Variants in RALYL observed in about 807,000 individuals in gnomAD.
RALYL encodes RNA-binding Raly-like protein.
Under a neutral mutation model 35.1 loss-of-function variants are expected in RALYL, and 29 were observed. The ratio of observed to expected loss-of-function variants is 0.83; its 90% CI spans 0.61 to 1.13. The LOEUF (loss-of-function observed/expected upper bound fraction) is 1.13. RALYL is among the 50% of genes most tolerant of loss of function. The pLI is 0.00. For synonymous variants in RALYL, 120 were observed against 127.6 expected, an observed-to-expected ratio of 0.94 and a Z score of 0.40; for missense variants, 359 against 360.4, an observed-to-expected ratio of 1.00 and a Z score of 0.03.
chr8:84,274,179 C>T (rs768995900), intron 1 of RALYL, among the ~76,000 whole-genome samples: 13 of 152,012 alleles, frequency 8.6e-5, no homozygotes, highest in Non-Finnish European at 1.3e-4. Flanking sequence ...AATGTGGTAG[C>T]GCTGGTGGTG....
intron 1 of RALYL, among the ~76,000 whole-genome samples, chr8:84,354,779 A>T (rs1851515482): frequency 6.7e-6 from 1 of 150,178 alleles, no homozygotes. Flanking sequence ...ATGTCTATTT[A>T]TACTTTGGGA....
At chr8:84,468,165 T>A (rs532320244) in intron 1 of RALYL, among the ~76,000 whole-genome samples, 4 of 152,102 alleles carry the variant, frequency 2.6e-5, no homozygotes, top group Non-Finnish European at 5.9e-5. Context: ...TATTGTTATG[T>A]GTGAATTTGA....
At chr8:84,445,969 ATAT>A (rs1467614795) in intron 1 of RALYL, among the ~76,000 whole-genome samples, 1 of 151,806 alleles carries the variant, frequency 6.6e-6, no homozygotes, top group East Asian at 1.9e-4. Flanking sequence ...GATTTATATA[ATAT>A]TTAAAAATAT....
chr8:84,455,970 A>T (rs2050087929), intron 1 of RALYL, among the ~76,000 whole-genome samples: 1 of 151,754 alleles, frequency 6.6e-6, no homozygotes, highest in South Asian at 2.1e-4. Context: ...CCCAACCTCA[A>T]CCTCAAATCT....
chr8:84,360,089 T>G (rs1457784486), intron 1 of RALYL, among the ~76,000 whole-genome samples: 1 of 152,114 alleles, frequency 6.6e-6, no homozygotes, highest in Non-Finnish European at 1.5e-5. Context: ...CCCAGGCTGG[T>G]CTTGAATTCA....
chr8:84,350,987 C>T (rs1031434753), intron 1 of RALYL, among the ~76,000 whole-genome samples: 14 of 149,526 alleles, frequency 9.4e-5, no homozygotes, highest in Admixed American at 6.0e-4. Flanking sequence ...AGGGGGTGAG[C>T]GGATTGTGGC....
chr8:84,239,608 C>T (rs1362416396), intron 1 of RALYL, among the ~76,000 whole-genome samples: 8 of 151,922 alleles, frequency 5.3e-5, no homozygotes, highest in East Asian at 1.9e-4. Flanking sequence ...CAGCGTGGCT[C>T]GGTGGGGCGT....
rs1315600024 is a variant in RALYL, at chr8:84,367,354, T to G, written c.-23-161945T>G. 6.0e-3 allele frequency among the ~76,000 whole-genome samples: 568 copies of G among 95,048 alleles called. 20 individuals are homozygous for G. The highest frequency in any genetic ancestry group is 0.028 in the African/African-American group (529 of 19,084). The allele number at this position is 95,048 out of a possible 152,430, so 62.4% of individuals were successfully genotyped here. On this transcript the variant is annotated intron_variant, in intron 1 of 8. Coordinates refer to ENST00000521268, the MANE Select transcript of RALYL (RefSeq NM_173848.7). The stretch of plus-strand genomic sequence containing the variant: ...TTTTTTTTTTTTTTTTTTTTTTTTT[T>G]TTTTTTTTTTTTTTTAGTAGAGGCA...
Position 84,878,332 on chromosome 8 carries a change from C to A in RALYL, c.685+4935C>A, listed in dbSNP as rs1044327483. Reference sequence around the variant, plus strand: ...CTCAGCTACCACAGCACTGGCAGGACACTAGAAGAGTCTTCAGTTGAGAAC... The same window carrying A: ...CTCAGCTACCACAGCACTGGCAGGAAACTAGAAGAGTCTTCAGTTGAGAAC... On this transcript the variant is annotated intron_variant, in intron 7 of 8. Coordinates refer to ENST00000521268, the MANE Select transcript of RALYL (RefSeq NM_173848.7). 2.6e-5 allele frequency among the ~76,000 whole-genome samples: 4 copies of A among 152,100 alleles called. No homozygotes were observed. The East Asian group carries it at 5.8e-4, about 22-fold the overall frequency.
chr8:84,348,178 C>T (rs1850203179), intron 1 of RALYL, among the ~76,000 whole-genome samples: 1 of 152,050 alleles, frequency 6.6e-6, no homozygotes, highest in African/African-American at 2.4e-5. Context: ...AGTAAGGTTG[C>T]AATTTGCTAC....
intron 2 of RALYL, among the ~76,000 whole-genome samples, chr8:84,652,504 TACA>T (rs1829053305): frequency 6.6e-6 from 1 of 152,106 alleles, no homozygotes; most frequent in Non-Finnish European, 1.5e-5. Context: ...CAATAACTTT[TACA>T]ACAAGTGAAC....
intron 2 of RALYL, among the ~76,000 whole-genome samples, chr8:84,531,941 A>T (rs1424295267): frequency 6.6e-6 from 1 of 152,088 alleles, no homozygotes; most frequent in Non-Finnish European, 1.5e-5. Context: ...AGAGGCACAA[A>T]GTTAAATTGT....
At chr8:84,527,590 T>C (rs1469707181) in intron 1 of RALYL, among the ~76,000 whole-genome samples, 1 of 152,212 alleles carries the variant, frequency 6.6e-6, no homozygotes, top group Non-Finnish European at 1.5e-5. Flanking sequence ...CTTGGAATGG[T>C]AAGAAAGGAA....
chr8:84,356,858 A>T (rs1237467320), intron 1 of RALYL, among the ~76,000 whole-genome samples: 346 of 150,412 alleles, frequency 2.3e-3, no homozygotes, highest in African/African-American at 7.1e-3. Context: ...CCAGATTCAA[A>T]TTGAGGTAAT....
chr8:84,458,517 T>C (rs2050392959), intron 1 of RALYL, among the ~76,000 whole-genome samples: 2 of 151,840 alleles, frequency 1.3e-5, no homozygotes, highest in African/African-American at 4.8e-5. Flanking sequence ...TGGACTCACA[T>C]GATACTGTGA....
At chr8:84,675,022 T>C (rs1005328850) in intron 2 of RALYL, among the ~76,000 whole-genome samples, 2 of 152,074 alleles carry the variant, frequency 1.3e-5, no homozygotes, top group African/African-American at 4.8e-5. Context: ...TATCTACTGT[T>C]AAGTAGCTCT....
intron 1 of RALYL, among the ~76,000 whole-genome samples, chr8:84,248,167 A>G (rs543636134): frequency 6.6e-6 from 1 of 152,238 alleles, no homozygotes; most frequent in South Asian, 2.1e-4. Context: ...TATGCTTGGT[A>G]CCAAAATATG....
chr8:84,279,802 G>A (rs1305990357), intron 1 of RALYL, among the ~76,000 whole-genome samples: 2 of 151,836 alleles, frequency 1.3e-5, no homozygotes, highest in African/African-American at 4.8e-5. Context: ...CCTCTTACAG[G>A]GACTCTTGTG....
At chr8:84,647,831 C>A (rs1827824099) in intron 2 of RALYL, among the ~76,000 whole-genome samples, 1 of 152,080 alleles carries the variant, frequency 6.6e-6, no homozygotes, top group South Asian at 2.1e-4. Context: ...TTAGGCAAGA[C>A]AGCTATGAAA....
Sources: allele counts gnomAD v4.1 joint callset (sites outside exome capture counted in the v4.1 genomes callset), GRCh38; gene constraint gnomAD v4.1.1; transcripts MANE v1.5; gene names NCBI Gene and HGNC (gene_info 2026-07-23, HGNC 2026-07-21).